LAMA3: variants seen among roughly 807,000 people sequenced by gnomAD.
The protein encoded by LAMA3 is laminin subunit alpha 3, also known as laminin subunit alpha-3.
LAMA3 carries 281 observed loss-of-function variants against 402.0 expected under a neutral mutation model. That is an observed-to-expected ratio of 0.70 (90% CI 0.63 to 0.77). The LOEUF is 0.77. LAMA3 is among the 30% of genes least tolerant of loss of function. The probability of loss-of-function intolerance (pLI) is 0.00; values close to 1 mark genes in which losing one functional copy is unlikely to be tolerated. For synonymous variants in LAMA3, 1,431 were observed against 1,558.4 expected (o/e 0.92, Z 1.93); for missense variants, 3,840 against 4,215.5 (o/e 0.91, Z 2.47).
chr18:23,821,982 A>G (rs2063293648), intron 19 of LAMA3, among the ~76,000 whole-genome samples: 1 of 152,242 alleles, frequency 6.6e-6, no homozygotes, highest in African/African-American at 2.4e-5. Flanking sequence ...GCCTGATTAC[A>G]AAAAGGTCAA....
At chr18:23,737,472 G>C (rs1268365542) in intron 2 of LAMA3, among the ~76,000 whole-genome samples, 3 of 152,142 alleles carry the variant, frequency 2.0e-5, no homozygotes, top group African/African-American at 7.2e-5. Context: ...CATTTGTTCT[G>C]CTATGAAAGA....
rs1302013772 is a variant in LAMA3, at chr18:23,879,828, A to G, written c.5113-2108A>G. ...ACACGGGTTTTGACACTCTTCCTTG[A>G]TCCTCTCCTCTCACCCCTGTGAAGG... On this transcript the variant is annotated intron_variant, in intron 39 of 74. Coordinates refer to ENST00000313654, the MANE Select transcript of LAMA3 (RefSeq NM_198129.4). This position sits in a 1 kb window ranked among gnomAD's most constrained non-coding sequence, Gnocchi z 4.2. 6.6e-6 allele frequency among the ~76,000 whole-genome samples: 1 copy of G among 152,142 alleles called. No individual in the cohort carries two copies. The highest frequency in any genetic ancestry group is 2.4e-5 in the African/African-American group (1 of 41,436).
chr18:23,893,966 AC>A (rs1447951706), intron 42 of LAMA3, among the ~76,000 whole-genome samples: 1 of 152,142 alleles, frequency 6.6e-6, no homozygotes, highest in Non-Finnish European at 1.5e-5. Context: ...TATAGAGTTG[AC>A]CTTTGTAGTG....
intron 6 of LAMA3, among the ~76,000 whole-genome samples, chr18:23,757,166 C>T (rs1007829030): frequency 6.6e-6 from 1 of 152,032 alleles, no homozygotes; most frequent in Non-Finnish European, 1.5e-5. Flanking sequence ...ACGCACGCTC[C>T]TAGGAAAACA....
At chr18:23,910,450 T>G (rs1254754458) in intron 55 of LAMA3, among the ~76,000 whole-genome samples, 1 of 152,240 alleles carries the variant, frequency 6.6e-6, no homozygotes, top group Admixed American at 6.5e-5. Context: ...TGCTTTTGAA[T>G]GCCTGGTTGG....
At chr18:23,831,571 T>G (rs1804739626) in intron 23 of LAMA3, among the ~76,000 whole-genome samples, 2 of 152,176 alleles carry the variant, frequency 1.3e-5, no homozygotes, top group African/African-American at 4.8e-5. Context: ...CTCAGGCCCC[T>G]GTCTTACACC....
At position 23,695,796 on chromosome 18, in the gene LAMA3, CAAAAAAAAAAAAAAAAAAAAAA is replaced by C. The variant is rs58873998; in HGVS notation, c.294+5838_294+5859del. 5.5e-3 allele frequency among the ~76,000 whole-genome samples: 212 copies of C among 38,642 alleles called. 1 individual carries two copies. Among genetic ancestry groups the C allele is most frequent in the African/African-American group, 0.022 (196 of 8,788 alleles). 25.4% of individuals were successfully genotyped at this position (38,642 alleles called of 152,430 possible). Reference sequence around the variant, plus strand: ...TGGGTGACACAGCAAGACTCCATCTCAAAAAAAAAAAAAAAAAAAAAAAAAAAAAAAAAAAAAAAAGAAATAT... The same window carrying C: ...TGGGTGACACAGCAAGACTCCATCTCAAAAAAAAAAAAAAAAAAGAAATAT... On this transcript the variant is annotated intron_variant, in intron 1 of 74. Coordinates refer to ENST00000313654, the MANE Select transcript of LAMA3 (RefSeq NM_198129.4).
intron 60 of LAMA3, among the ~76,000 whole-genome samples, chr18:23,919,753 AG>A (rs1051387098): frequency 4.1e-4 from 63 of 152,102 alleles, no homozygotes; most frequent in African/African-American, 1.4e-3. Context: ...CAGTGCTGAG[AG>A]AGAGGCAGAT....
chr18:23,917,556 C>A (rs1214652548), intron 60 of LAMA3, among the ~76,000 whole-genome samples: 1 of 152,086 alleles, frequency 6.6e-6, no homozygotes, highest in Non-Finnish European at 1.5e-5. Context: ...TTTCATAATT[C>A]CCTTTTTGAC....
rs536130350 is a variant in LAMA3 at position 23,854,942 on chromosome 18, G to A, written c.4137-2902G>A. ...AGAGCTTGCAGTGAGCCGAGATCGCGCCACTGCACTCCAGCCTGGTGACAG... is the reference window on the plus strand; with the variant it reads ...AGAGCTTGCAGTGAGCCGAGATCGCACCACTGCACTCCAGCCTGGTGACAG... On this transcript the variant is annotated intron_variant, in intron 32 of 74. Coordinates refer to ENST00000313654, the MANE Select transcript of LAMA3 (RefSeq NM_198129.4). Among the ~76,000 whole-genome samples, 12 of 152,098 alleles carry A rather than the reference G, an allele frequency of 7.9e-5. No individual in the cohort carries two copies. The South Asian group carries it at 1.7e-3, about 21-fold the overall frequency.
chr18:23,873,792 T>C (rs763756151), intron 38 of LAMA3, among the ~76,000 whole-genome samples: 5 of 152,228 alleles, frequency 3.3e-5, no homozygotes, highest in Admixed American at 3.3e-4. Context: ...GGACATAATA[T>C]TATCATTTGT....
rs140279987 is a variant in LAMA3, at chr18:23,758,119, G to A, written c.948-277G>A. On this transcript the variant is annotated intron_variant, in intron 6 of 74. Coordinates refer to ENST00000313654, the MANE Select transcript of LAMA3 (RefSeq NM_198129.4). The stretch of plus-strand genomic sequence containing the variant: ...GAGCTGGGGCCTCAGAGCCAAGTGA[G>A]GTTGGAAGTCTGGCTCTCCATTTAT... Among the ~76,000 whole-genome samples, 480 of 152,340 alleles carry A rather than the reference G, an allele frequency of 3.2e-3. 3 individuals carry two copies. The highest frequency in any genetic ancestry group is 4.7e-3 in the Non-Finnish European group (320 of 68,036).
At chr18:23,770,647 G>C (rs1032425238) in intron 8 of LAMA3, among the ~76,000 whole-genome samples, 2 of 152,130 alleles carry the variant, frequency 1.3e-5, no homozygotes, top group East Asian at 3.9e-4. Flanking sequence ...TGTAGTCCCA[G>C]CTACTCGGGA....
In LAMA3 at chr18:23,886,555, C is replaced by A. The variant is rs564742354; in HGVS notation, c.5303+1702C>A. Among the ~76,000 whole-genome samples, 5 of 151,626 alleles carry A rather than the reference C, an allele frequency of 3.3e-5. No homozygotes were observed. The East Asian group carries it at 5.8e-4, about 18-fold the overall frequency. ...TACTTGGGATGCTGAGGTAGGAGAA[C>A]CATATGAACCCAGGAGTTCGAGGCT... is the stretch of plus-strand genomic sequence containing the variant. On this transcript the variant is annotated intron_variant, in intron 41 of 74. Coordinates refer to ENST00000313654, the MANE Select transcript of LAMA3 (RefSeq NM_198129.4).
chr18:23,929,147 A>T (rs1355256463), intron 64 of LAMA3, among the ~76,000 whole-genome samples: 1 of 152,244 alleles, frequency 6.6e-6, no homozygotes, highest in East Asian at 1.9e-4. Flanking sequence ...TGATTGCATT[A>T]AAGGTAGCTC....
At chr18:23,927,615 C>G (rs887713239) in intron 62 of LAMA3, among the ~76,000 whole-genome samples, 3 of 151,834 alleles carry the variant, frequency 2.0e-5, no homozygotes, top group Non-Finnish European at 2.9e-5. Context: ...TGAATAGAAC[C>G]AAAAAGTAAC....
intron 23 of LAMA3, among the ~76,000 whole-genome samples, chr18:23,829,238 G>A (rs1188729832): frequency 6.6e-6 from 1 of 152,074 alleles, no homozygotes; most frequent in African/African-American, 2.4e-5. Flanking sequence ...TCAGATCATG[G>A]GCCAGTATAT....
intron 14 of LAMA3, among the ~76,000 whole-genome samples, chr18:23,813,576 T>G (rs1264756373): frequency 1.4e-5 from 2 of 143,336 alleles, no homozygotes; most frequent in Non-Finnish European, 3.0e-5. Context: ...TTTTTTTTGC[T>G]CTTGTCGCCC....
intron 7 of LAMA3, among the ~76,000 whole-genome samples, chr18:23,759,285 A>G (rs1474821789): frequency 6.7e-6 from 1 of 149,148 alleles, no homozygotes; most frequent in Non-Finnish European, 1.5e-5. Flanking sequence ...GTGAGCTCTG[A>G]TCCTGCCACT....
Sources: allele counts gnomAD v4.1 joint callset (sites outside exome capture counted in the v4.1 genomes callset), GRCh38; gene constraint gnomAD v4.1.1; non-coding constraint Gnocchi (gnomAD v3.1); transcripts MANE v1.5; gene names NCBI Gene and HGNC (gene_info 2026-07-23, HGNC 2026-07-21).